The following THRAP3 variants were observed in gnomAD, a reference collection of about 807,000 sequenced individuals.
The protein encoded by THRAP3 is thyroid hormone receptor associated protein 3.
A neutral mutation model predicts 101.0 loss-of-function variants in THRAP3; 16 were observed. The ratio of observed to expected loss-of-function variants is 0.16; its 90% CI spans 0.11 to 0.24. THRAP3 has a LOEUF of 0.24. Among genes scored for constraint, THRAP3 ranks in the 10% least tolerant of loss-of-function variants. The pLI is 1.00. For missense variants in THRAP3, 989 were observed against 1,202.7 expected (o/e 0.82, Z 2.63); for synonymous variants, 407 against 422.6 (o/e 0.96, Z 0.45).
At chr1:36,287,593 G>T in intron 4 of THRAP3, 1 of 985,434 alleles carries the variant, frequency 1.0e-6, no homozygotes, top group Non-Finnish European at 1.2e-6. Flanking sequence ...TCAAAAAAAA[G>T]TATGGTCTTT....
chr1:36,302,407 C>T (rs1431179534), intron 11 of THRAP3, among the ~76,000 whole-genome samples: 1 of 152,218 alleles, frequency 6.6e-6, no homozygotes, highest in East Asian at 1.9e-4. Context: ...GCGTGGCCAC[C>T]ATCCCTTTTC....
chr1:36,257,573 C>T (rs1374146154), intron 1 of THRAP3, among the ~76,000 whole-genome samples: 1 of 152,046 alleles, frequency 6.6e-6, no homozygotes, highest in African/African-American at 2.4e-5. Context: ...AGGAGGAGGG[C>T]AACTGTGGTG....
chr1:36,301,015 A>G lies in THRAP3; in HGVS notation c.2433A>G (p.Lys811=). Residue 811 remains lysine, a synonymous_variant, in exon 10 of 12, where the codon AAA becomes AAG. Coordinates refer to ENST00000354618, the MANE Select transcript of THRAP3 (RefSeq NM_005119.4). ...EREESTTGFD[K]SRLGTKDFVG... ...AGGAGAGCACCACGGGCTTTGACAAATCAAGACTGGGGACCAAAGACTTTG... is the reference window on the plus strand; with the variant it reads ...AGGAGAGCACCACGGGCTTTGACAAGTCAAGACTGGGGACCAAAGACTTTG... 6.2e-7 allele frequency: 1 copy of G among 1,614,214 alleles called. No homozygotes were observed. Among genetic ancestry groups the G allele is most frequent in the Non-Finnish European group, 8.5e-7 (1 of 1,180,042 alleles).
At chr1:36,229,357 A>G (rs1244894922) in intron 1 of THRAP3, among the ~76,000 whole-genome samples, 4 of 149,992 alleles carry the variant, frequency 2.7e-5, no homozygotes, top group East Asian at 2.0e-4. Flanking sequence ...CAGCCTCCCA[A>G]AGTGCTGGGA....
At chr1:36,218,773 G>A in the THRAP3 span, among the ~76,000 whole-genome samples, 9 of 151,264 alleles carry the variant, frequency 5.9e-5, no homozygotes, top group Admixed American at 2.0e-4. Context: ...GGTGGCTCAC[G>A]TCTGTAATCC....
chr1:36,268,870 C>T lies in THRAP3; in HGVS notation c.-32+9386C>T, dbSNP rs572280892. 2.6e-3 allele frequency among the ~76,000 whole-genome samples: 391 copies of T among 151,384 alleles called. 1 individual carries two copies. Among genetic ancestry groups the T allele is most frequent in the Admixed American group, 7.1e-3 (108 of 15,162 alleles). On this transcript the variant is annotated intron_variant, in intron 2 of 11. Transcript: ENST00000354618. ...CCTCCCGAGTAGCTGTGACTACAGG[C>T]GCCCGCCACCACGCCCAGCTAATTT...
intron 1 of THRAP3, among the ~76,000 whole-genome samples, chr1:36,227,747 A>C (rs921604568): frequency 2.0e-5 from 3 of 152,208 alleles, no homozygotes; most frequent in Non-Finnish European, 4.4e-5. Flanking sequence ...CAAGAAGCAG[A>C]GATTGGAGGG....
At chr1:36,212,418 C>CTTTTTTT in the THRAP3 span, among the ~76,000 whole-genome samples, 69 of 122,020 alleles carry the variant, frequency 5.7e-4, 1 homozygote, top group African/African-American at 1.5e-3. Flanking sequence ...TTCTTTCTTT[C>CTTTTTTT]TTTTTTTTTT....
the THRAP3 span, among the ~76,000 whole-genome samples, chr1:36,212,332 T>C: frequency 1.3e-5 from 2 of 151,986 alleles, no homozygotes; most frequent in African/African-American, 2.4e-5. Context: ...GCCAAGGAAA[T>C]GAAATGTACT....
intron 2 of THRAP3, among the ~76,000 whole-genome samples, chr1:36,262,959 A>ATTTTTT (rs55662646): frequency 2.6e-4 from 27 of 104,360 alleles, no homozygotes; most frequent in East Asian, 5.2e-4. Flanking sequence ...GGGCCGGCTA[A>ATTTTTT]TTTTTTTTTT....
chr1:36,220,966 A>ATATATAT (rs1420537162), upstream of THRAP3, among the ~76,000 whole-genome samples: 4 of 134,174 alleles, frequency 3.0e-5, no homozygotes, highest in African/African-American at 1.2e-4. Flanking sequence ...AAAAAAAAAA[A>ATATATAT]AAAAAAATAT....
At chr1:36,296,901 C>A in intron 9 of THRAP3, 131 bp downstream of exon 9, 1 of 648,644 alleles carries the variant, frequency 1.5e-6, no homozygotes, top group Non-Finnish European at 2.4e-6. Context: ...TTCTTTTAAT[C>A]CATGTAAATG....
intron 2 of THRAP3, among the ~76,000 whole-genome samples, chr1:36,262,762 TTC>T (rs1328845287): frequency 6.8e-6 from 1 of 147,504 alleles, no homozygotes; most frequent in East Asian, 2.0e-4. Context: ...ATAGTAATGC[TTC>T]TATTTTATTT....
At chr1:36,216,374 G>T in the THRAP3 span, among the ~76,000 whole-genome samples, 1 of 151,526 alleles carries the variant, frequency 6.6e-6, no homozygotes, top group Non-Finnish European at 1.5e-5. Flanking sequence ...ACAAAAATTA[G>T]CTGTGTTTGG....
chr1:36,249,166 A>G (rs1645267304), intron 1 of THRAP3, among the ~76,000 whole-genome samples: 1 of 148,852 alleles, frequency 6.7e-6, no homozygotes, highest in Non-Finnish European at 1.5e-5. Context: ...TACAGGTGCA[A>G]GCCACCGCAC....
intron 11 of THRAP3, among the ~76,000 whole-genome samples, chr1:36,303,514 C>A (rs1357038033): frequency 2.0e-5 from 3 of 152,058 alleles, no homozygotes; most frequent in Non-Finnish European, 4.4e-5. Flanking sequence ...TTTCTTTAAA[C>A]TATTAAGGGT....
upstream of THRAP3, among the ~76,000 whole-genome samples, chr1:36,220,537 G>T (rs561389120): frequency 1.3e-5 from 2 of 152,152 alleles, no homozygotes; most frequent in Admixed American, 6.6e-5. Flanking sequence ...TGTTGTGAAG[G>T]CTGGGTGCAG....
At chr1:36,291,863 A>T (rs910540707) in intron 6 of THRAP3, among the ~76,000 whole-genome samples, 3 of 152,182 alleles carry the variant, frequency 2.0e-5, no homozygotes, top group Non-Finnish European at 4.4e-5. Context: ...CCTCTAAGTG[A>T]TCTCTTATGG....
At position 36,286,665 on chromosome 1, in the gene THRAP3, C is replaced by T; in HGVS notation, c.435C>T (p.Asn145=). Residue 145 remains asparagine (N), a synonymous_variant, in exon 4 of 12, where the codon AAC becomes AAT. Coordinates refer to ENST00000354618, the MANE Select transcript of THRAP3 (RefSeq NM_005119.4). The surrounding 1 kb of genome is among the most constrained non-coding windows in gnomAD (Gnocchi z 5.5). ...PSPRSRSHSR[N]SDKSSSDRSR... ...CAAGGTCCAGGAGCCATTCTAGAAA[C>T]TCTGATAAGTCGTCTTCTGACCGGT... The T allele has an allele frequency of 6.2e-7, 1 of 1,614,180 alleles. No individual in the cohort carries two copies. Among genetic ancestry groups the T allele is most frequent in the Non-Finnish European group, 8.5e-7 (1 of 1,180,028 alleles).
Sources: allele counts gnomAD v4.1 joint callset (sites outside exome capture counted in the v4.1 genomes callset), GRCh38; gene constraint gnomAD v4.1.1; non-coding constraint Gnocchi (gnomAD v3.1); transcripts MANE v1.5; gene names NCBI Gene and HGNC (gene_info 2026-07-23, HGNC 2026-07-21).